The following IKBKB variants were observed in gnomAD, a reference collection of about 807,000 sequenced individuals.
IKBKB encodes inhibitor of nuclear factor kappa-B kinase subunit beta.
A neutral mutation model predicts 113.6 loss-of-function variants in IKBKB; 42 were observed. That is an observed-to-expected ratio of 0.37 (90% confidence interval 0.29 to 0.48). IKBKB has a LOEUF of 0.48. Ranked by LOEUF, IKBKB falls within the 20% of genes least tolerant of loss-of-function variation. IKBKB has a pLI of 0.99. For synonymous variants in IKBKB, 296 were observed against 361.3 expected (o/e 0.82, Z 2.05); for missense variants, 673 against 939.7 (o/e 0.72, Z 3.71).
chr8:42,296,803 G>A (rs1356891331), intron 5 of IKBKB, among the ~76,000 whole-genome samples: 1 of 152,122 alleles, frequency 6.6e-6, no homozygotes, highest in Non-Finnish European at 1.5e-5. Context: ...GTGTGACCGT[G>A]GGCACGTTAC....
At chr8:42,304,811 G>C (rs932430984) in intron 5 of IKBKB, among the ~76,000 whole-genome samples, 2 of 152,208 alleles carry the variant, frequency 1.3e-5, no homozygotes, top group Non-Finnish European at 2.9e-5. Flanking sequence ...GCATCACCTG[G>C]AGAGTTTGTT....
At chr8:42,289,530 C>A (rs935820041) in intron 3 of IKBKB, among the ~76,000 whole-genome samples, 1 of 152,184 alleles carries the variant, frequency 6.6e-6, no homozygotes, top group Non-Finnish European at 1.5e-5. Context: ...GGCTGTCCAT[C>A]TGCCTGGTGG....
intron 2 of IKBKB, among the ~76,000 whole-genome samples, chr8:42,286,937 G>A (rs1279718606): frequency 6.6e-6 from 1 of 152,206 alleles, no homozygotes; most frequent in Non-Finnish European, 1.5e-5. Flanking sequence ...GTTTCGTGCT[G>A]TAGGTACACA....
intron 2 of IKBKB, among the ~76,000 whole-genome samples, chr8:42,285,834 T>A (rs1811311273): frequency 6.6e-6 from 1 of 152,176 alleles, no homozygotes; most frequent in South Asian, 2.1e-4. Flanking sequence ...TGATATATGA[T>A]TCCATTTATA....
intron 7 of IKBKB, among the ~76,000 whole-genome samples, chr8:42,307,977 C>A (rs767945699): frequency 2.1e-4 from 32 of 152,228 alleles, no homozygotes; most frequent in Non-Finnish European, 4.1e-4. Context: ...CCAGTCTGCA[C>A]CCCCAGCACC....
chr8:42,273,943 G>T (rs1366805646), intron 2 of IKBKB, among the ~76,000 whole-genome samples: 4 of 152,112 alleles, frequency 2.6e-5, no homozygotes, highest in Non-Finnish European at 4.4e-5. Context: ...GATCAAATCG[G>T]GGTAATTGGC....
intron 2 of IKBKB, 85 bp downstream of exon 2, chr8:42,272,290 AG>A (rs750869830): frequency 1.3e-6 from 2 of 1,586,022 alleles, no homozygotes; most frequent in African/African-American, 2.7e-5. Flanking sequence ...TGCTGGGCCA[AG>A]GGCTCACCTT....
intron 4 of IKBKB, among the ~76,000 whole-genome samples, chr8:42,292,433 C>A (rs1812831805): frequency 1.3e-5 from 2 of 152,224 alleles, no homozygotes. Context: ...CCTGTCCTTG[C>A]TGTCACCCAG....
At chr8:42,297,041 G>A (rs1814013287) in intron 5 of IKBKB, among the ~76,000 whole-genome samples, 2 of 152,304 alleles carry the variant, frequency 1.3e-5, no homozygotes, top group South Asian at 4.1e-4. Context: ...ACCTGAGGCT[G>A]GATCCAGGGA....
intron 19 of IKBKB, chr8:42,325,737 G>A: frequency 1.5e-6 from 2 of 1,327,974 alleles, no homozygotes; most frequent in Non-Finnish European, 1.9e-6. Context: ...TAGGCACCCA[G>A]GTCTCCTTAA....
At chr8:42,312,959 C>T (rs1470169170) in intron 8 of IKBKB, among the ~76,000 whole-genome samples, 1 of 152,242 alleles carries the variant, frequency 6.6e-6, no homozygotes, top group Non-Finnish European at 1.5e-5. Flanking sequence ...TTCTGCTACT[C>T]TGTTGTGTGA....
At chr8:42,271,872 C>T in intron 1 of IKBKB, 1 of 585,022 alleles carries the variant, frequency 1.7e-6, no homozygotes, top group Non-Finnish European at 3.0e-6. Context: ...CCTGATGCCA[C>T]AGCAACCGGA....
chr8:42,279,005 AAAG>A (rs1809776278), intron 2 of IKBKB, among the ~76,000 whole-genome samples: 1 of 152,132 alleles, frequency 6.6e-6, no homozygotes, highest in Admixed American at 6.5e-5. Flanking sequence ...AGAAAAAAAA[AAAG>A]AGAGAGAGAG....
intron 16 of IKBKB, 96 bp from the exon 17 acceptor site, chr8:42,321,800 C>T (rs1819828438): frequency 1.2e-6 from 1 of 840,928 alleles, no homozygotes; most frequent in African/African-American, 1.7e-5. Context: ...CGAGACCAGC[C>T]TGGGCAACAT....
intron 19 of IKBKB, among the ~76,000 whole-genome samples, chr8:42,323,718 G>A (rs1257397077): frequency 1.3e-5 from 2 of 152,178 alleles, no homozygotes; most frequent in Non-Finnish European, 2.9e-5. Flanking sequence ...GCATGCCTTG[G>A]GAGCGTGATT....
At chr8:42,311,681 A>G (rs996581938) in intron 8 of IKBKB, among the ~76,000 whole-genome samples, 1 of 152,134 alleles carries the variant, frequency 6.6e-6, no homozygotes, top group African/African-American at 2.4e-5. Flanking sequence ...TTTACCTCCC[A>G]GTGAGGGAGG....
At chr8:42,273,049 G>A (rs1808161304) in intron 2 of IKBKB, among the ~76,000 whole-genome samples, 1 of 151,966 alleles carries the variant, frequency 6.6e-6, no homozygotes, top group African/African-American at 2.4e-5. Flanking sequence ...TGAGGCTGTA[G>A]TGAGCTATGA....
At chr8:42,319,227 G>A (rs769240385) in intron 13 of IKBKB, 43 bp from the exon 14 acceptor site, 2 of 1,594,930 alleles carry the variant, frequency 1.3e-6, no homozygotes, top group South Asian at 2.2e-5. Context: ...ATGGAATTTG[G>A]ATCCCAGAGA....
intron 11 of IKBKB, chr8:42,317,226 A>AG (rs2130642801): frequency 2.3e-6 from 1 of 443,832 alleles, no homozygotes. Context: ...AAAAAAAAAA[A>AG]GGATGCTGCA....
Sources: gnomAD v4.1 joint callset for allele counts (sites outside exome capture counted in the v4.1 genomes callset) on GRCh38, gnomAD v4.1.1 for gene constraint, MANE v1.5 for transcripts, NCBI Gene and HGNC (gene_info 2026-07-23, HGNC 2026-07-21) for gene names.